The following MATN2 variants were observed in gnomAD, a reference collection of about 807,000 sequenced individuals.
MATN2 encodes the protein matrilin 2, also known as matrilin-2.
Under a neutral mutation model 103.2 loss-of-function variants are expected in MATN2, and 69 were observed. The ratio of observed to expected loss-of-function variants is 0.67; its 90% CI spans 0.55 to 0.82. The LOEUF (loss-of-function observed/expected upper bound fraction) is 0.82. Ranked by LOEUF, MATN2 falls within the 40% of genes least tolerant of loss-of-function variation. The pLI is 0.00. For missense variants in MATN2, 1,023 were observed against 1,211.5 expected (o/e 0.84, Z 2.31); for synonymous variants, 429 against 450.2 (o/e 0.95, Z 0.60).
At chr8:97,960,497 T>G (rs2512035) in intron 4 of MATN2, among the ~76,000 whole-genome samples, 146,983 of 152,270 alleles carry the variant, frequency 0.97, 71,101 homozygotes, top group Non-Finnish European at 1. Flanking sequence ...CATACTGCAA[T>G]TCCATTCCTA....
At chr8:97,991,493 G>A (rs562043370) in intron 6 of MATN2, among the ~76,000 whole-genome samples, 24 of 152,244 alleles carry the variant, frequency 1.6e-4, no homozygotes, top group Non-Finnish European at 3.5e-4. Flanking sequence ...AGGCCGAGGC[G>A]AGTGGATTGC....
In MATN2 at chr8:97,945,553, G is replaced by A. The variant is rs561923073; in HGVS notation, c.835+3654G>A. 2.6e-5 allele frequency among the ~76,000 whole-genome samples: 4 copies of A among 151,800 alleles called. 1 individual carries two copies. The South Asian group carries it at 8.3e-4, about 32-fold the overall frequency. The stretch of plus-strand genomic sequence containing the variant: ...AGGTTCCTCAGCCCACTAATCCAGG[G>A]GAGACTTAGAACTAATTCAGGACTA... On this transcript the variant is annotated intron_variant, in intron 4 of 18. Coordinates refer to ENST00000254898, the MANE Select transcript of MATN2 (RefSeq NM_002380.5).
chr8:98,033,029 T>C lies in MATN2; in HGVS notation c.2582-13T>C. 6.3e-7 allele frequency: 1 copy of C among 1,596,898 alleles called. No individual in the cohort carries two copies. The highest frequency in any genetic ancestry group is 8.5e-7 in the Non-Finnish European group (1 of 1,174,746). ...TTAAGCAGGTTTGATTGCAGTTTTC[T>C]TTCTCTTTACAGAATCTGAGCCAGT... On this transcript the variant is annotated splice_polypyrimidine_tract_variant and intron_variant, in intron 16 of 18. Transcript: ENST00000254898.
chr8:98,007,163 G>A lies in MATN2; in HGVS notation c.1386G>A (p.Glu462=). 4 of 1,613,736 alleles carry A rather than the reference G, an allele frequency of 2.5e-6. No homozygotes were observed. Among genetic ancestry groups the A allele is most frequent in the East Asian group, 2.2e-5 (1 of 44,872 alleles). ...GTGAGCAGCTGTGTCTGAACACGGA[G>A]GATTCCTTCGTCTGCCAGTGCTCAG... ...HGCEQLCLNT[E]DSFVCQCSEG... The change falls in exon 9 of 19, where the codon GAG becomes GAA. Residue 462 remains glutamate (E), a synonymous_variant. Coordinates refer to ENST00000254898, the MANE Select transcript of MATN2 (RefSeq NM_002380.5). The surrounding 1 kb of genome is among the most constrained non-coding windows in gnomAD (Gnocchi z 4.2).
Position 98,016,610 on chromosome 8 carries a change from G to C in MATN2, c.1644G>C (p.Val548=), listed in dbSNP as rs192237299. 1,528 of 1,612,306 alleles carry C rather than the reference G, an allele frequency of 9.5e-4. 9 individuals carry two copies. The African/African-American group carries it at 0.018, about 19-fold the overall frequency. ...HSCVSSEDSF[V]CQCFEGYILR... ...GTGTAAGCAGTGAAGATTCGTTTGT[G>C]TGCCAGTGCTTTGAAGGTTATATAC... Residue 548 remains valine (V), a synonymous_variant, in exon 11 of 19, where the codon GTG becomes GTC. Transcript: ENST00000254898.
At chr8:98,024,853 A>T (rs1813731114) in intron 13 of MATN2, 1 of 145,942 alleles carries the variant, frequency 6.9e-6, no homozygotes, top group African/African-American at 2.6e-5. Context: ...GCAAAAAAAT[A>T]GTCTAATAAG....
chr8:97,985,152 AG>A (rs1341450038), intron 6 of MATN2, among the ~76,000 whole-genome samples: 1 of 152,220 alleles, frequency 6.6e-6, no homozygotes, highest in African/African-American at 2.4e-5. Flanking sequence ...TGAAAGCCTA[AG>A]GCTGCTTCCA....
Position 97,985,960 on chromosome 8 carries a change from C to T in MATN2, c.1081+6952C>T, listed in dbSNP as rs184100815. Among the ~76,000 whole-genome samples the T allele has an allele frequency of 2.2e-3, 331 of 152,188 alleles. 1 individual carries two copies. The highest frequency in any genetic ancestry group is 3.9e-3 in the Non-Finnish European group (264 of 68,022). ...TTATTTTTATAGAGTTGAGATCATG[C>T]AGTATAATAATAAATCATAAGCATT... On this transcript the variant is annotated intron_variant, in intron 6 of 18. Transcript: ENST00000254898.
intron 10 of MATN2, among the ~76,000 whole-genome samples, chr8:98,012,275 G>T (rs553463598): frequency 2.1e-4 from 32 of 152,170 alleles, no homozygotes; most frequent in Non-Finnish European, 7.3e-5. Context: ...AGTGTTTAAA[G>T]CTTCTCGGGG....
chr8:98,023,172 G>T (rs57475063), intron 13 of MATN2, among the ~76,000 whole-genome samples: 1 of 152,146 alleles, frequency 6.6e-6, no homozygotes, highest in African/African-American at 2.4e-5. Flanking sequence ...CTACTTGAGA[G>T]GCTGAGGCCA....
intron 2 of MATN2, among the ~76,000 whole-genome samples, chr8:97,913,313 GA>G (rs1383230941): frequency 6.8e-6 from 1 of 146,688 alleles, no homozygotes; most frequent in Non-Finnish European, 1.5e-5. Context: ...GACAGCAATC[GA>G]TTTTTTTTTT....
At chr8:97,900,913 C>A (rs752660390) in intron 2 of MATN2, among the ~76,000 whole-genome samples, 2 of 152,090 alleles carry the variant, frequency 1.3e-5, no homozygotes, top group Non-Finnish European at 2.9e-5. Flanking sequence ...CCAGCCTGGG[C>A]AACAGAGCGA....
intron 7 of MATN2, among the ~76,000 whole-genome samples, chr8:97,996,795 C>T (rs1042979659): frequency 5.3e-5 from 8 of 152,068 alleles, no homozygotes; most frequent in South Asian, 2.1e-4. Context: ...ATCTGGAGTC[C>T]GTTATTAGAA....
chr8:97,875,690 G>GTTTTTTTTTTTTT (rs763539274), intron 1 of MATN2, among the ~76,000 whole-genome samples: 2 of 82,032 alleles, frequency 2.4e-5, no homozygotes, highest in Non-Finnish European at 4.4e-5. Flanking sequence ...GTATTTGCCT[G>GTTTTTTTTTTTTT]TTTTTTTTTT....
chr8:97,985,889 T>A (rs1255496338), intron 6 of MATN2, among the ~76,000 whole-genome samples: 2 of 152,220 alleles, frequency 1.3e-5, no homozygotes, highest in Non-Finnish European at 2.9e-5. Context: ...TTTATGCCAA[T>A]TTGGAACATT....
Position 97,888,110 on chromosome 8 carries a change from A to G in MATN2, c.10A>G (p.Met4Val). The change falls in exon 2 of 19, where the codon ATG (methionine) becomes GTG (valine). Residue 4 changes from methionine (M) to valine (V), a missense_variant. Physicochemically the swap from Met to Val is conservative, Grantham distance 21. Transcript: ENST00000254898. ...CTTGCTCGCCTTGAAAATGGAAAAG[A>G]TGCTCGCAGGCTGCTTTCTGCTGAT... MEK[M>V]LAGCFLLILG... 1.2e-6 allele frequency: 2 copies of G among 1,607,840 alleles called. No homozygotes were observed. Among genetic ancestry groups the G allele is most frequent in the Non-Finnish European group, 1.7e-6 (2 of 1,177,434 alleles).
At chr8:98,016,342 C>T (rs1813355798) in intron 10 of MATN2, among the ~76,000 whole-genome samples, 198 bp from the exon 11 acceptor site, 1 of 152,148 alleles carries the variant, frequency 6.6e-6, no homozygotes, top group Non-Finnish European at 1.5e-5. Flanking sequence ...CACCACACTC[C>T]AGCCTGGATG....
At position 97,931,014 on chromosome 8, in the gene MATN2, CAACACCCATGACTATGCAAAGGTCAA is replaced by C. The variant is rs1243682363; in HGVS notation, c.205_230del (p.Asn69GlyfsTer15). The C allele has an allele frequency of 1.2e-6, 2 of 1,613,808 alleles. No homozygotes were observed. The highest frequency in any genetic ancestry group is 2.7e-5 in the African/African-American group (2 of 74,938). ...TCATCATTGACAGCTCTCGCAGTGT[CAACACCCATGACTATGCAAAGGTCAA>C]GGAGTTCATCGTGGACATCTTGCAA... On this transcript the variant is annotated frameshift_variant, in exon 3 of 19. Coordinates refer to ENST00000254898, the MANE Select transcript of MATN2 (RefSeq NM_002380.5). LOFTEE classifies it high-confidence loss of function. The surrounding 1 kb of genome is among the most constrained non-coding windows in gnomAD (Gnocchi z 4.1).
At chr8:97,910,616 C>A (rs1262003348) in intron 2 of MATN2, among the ~76,000 whole-genome samples, 1 of 152,220 alleles carries the variant, frequency 6.6e-6, no homozygotes, top group Admixed American at 6.5e-5. Context: ...AGCAAGGGAA[C>A]TTTCACGTAA....
Sources: gnomAD v4.1 joint callset for allele counts (sites outside exome capture counted in the v4.1 genomes callset) on GRCh38, gnomAD v4.1.1 for gene constraint, Gnocchi (gnomAD v3.1) non-coding constraint, MANE v1.5 for transcripts, NCBI Gene and HGNC (gene_info 2026-07-23, HGNC 2026-07-21) for gene names.